Variants in HELLS observed in about 807,000 individuals in gnomAD.
HELLS encodes the protein lymphoid-specific helicase.
In HELLS, 32 loss-of-function variants were observed where a neutral mutation model predicts 120.0. That is an observed-to-expected ratio of 0.27 (90% CI 0.20 to 0.36). The LOEUF (loss-of-function observed/expected upper bound fraction) is 0.36, where lower values mean the gene tolerates loss of function less well. HELLS is among the 10% of genes least tolerant of loss of function. HELLS has a pLI of 1.00. For missense variants in HELLS, 650 were observed against 993.4 expected (o/e 0.65, Z 4.65); for synonymous variants, 341 against 323.4 (o/e 1.05, Z -0.58).
exon 10 of HELLS, chr10:94,613,820 TGAAAA>T (rs1463661378): frequency 6.6e-6 from 1 of 152,230 alleles, no homozygotes; most frequent in Non-Finnish European, 1.5e-5. Context: ...CAGTTGTACT[TGAAAA>T]GAATGTATAT....
At chr10:94,575,404 AGCCCTTCT>A (rs1844386224) in intron 9 of HELLS, among the ~76,000 whole-genome samples, 1 of 151,686 alleles carries the variant, frequency 6.6e-6, no homozygotes, top group South Asian at 2.1e-4. Flanking sequence ...TCCCGGGCCC[AGCCCTTCT>A]GCACATTTTT....
intron 10 of HELLS, among the ~76,000 whole-genome samples, chr10:94,580,813 TG>T (rs1311731670): frequency 6.6e-6 from 1 of 152,152 alleles, no homozygotes; most frequent in African/African-American, 2.4e-5. Flanking sequence ...TTAAGATATA[TG>T]AGAAATCACA....
Position 94,574,505 on chromosome 10 carries a change from G to A in HELLS, c.706-49G>A, listed in dbSNP as rs369779588. 2.3e-6 allele frequency: 3 copies of A among 1,318,022 alleles called. No homozygotes were observed. In the South Asian group the frequency reaches 3.7e-5, roughly 16 times the overall value. The allele number at this position is 1,318,022 out of a possible 1,614,324, so 81.6% of individuals were successfully genotyped here. A position where few individuals can be genotyped will look rare whatever the true frequency, so the allele number is the denominator to read the frequency against. On this transcript the variant is annotated intron_variant, in intron 8 of 21. Transcript: ENST00000348459. ...AGAAGAAATAAAATATTGTAATCCTGTAGTTGTTTATATCCAAGTTTAAAT... is the reference window on the plus strand; with the variant it reads ...AGAAGAAATAAAATATTGTAATCCTATAGTTGTTTATATCCAAGTTTAAAT...
chr10:94,580,162 TACAC>T (rs34963898), intron 10 of HELLS, among the ~76,000 whole-genome samples: 9 of 47,600 alleles, frequency 1.9e-4, no homozygotes, highest in South Asian at 6.6e-4. Context: ...TATATATATA[TACAC>T]ACACACACAC....
At position 94,582,902 on chromosome 10, in the gene HELLS, T is replaced by G. The variant is rs1844946543; in HGVS notation, c.1230-61T>G. 12 of 865,400 alleles carry G rather than the reference T, an allele frequency of 1.4e-5. No individual in the cohort carries two copies. In the South Asian group the frequency reaches 2.0e-4, roughly 14 times the overall value. The allele number at this position is 865,400 out of a possible 1,614,324, so 53.6% of individuals were successfully genotyped here. A position where few individuals can be genotyped will look rare whatever the true frequency, so the allele number is the denominator to read the frequency against. ...GATTATTACTGTAAATGATAAATCA[T>G]GTATCATGTTGACATAATTGAATTT... is the stretch of plus-strand genomic sequence containing the variant. On this transcript the variant is annotated intron_variant, in intron 11 of 21. Coordinates refer to ENST00000348459, the MANE Select transcript of HELLS (RefSeq NM_018063.5).
chr10:94,577,527 G>A (rs1460411291), intron 10 of HELLS: 1 of 153,628 alleles, frequency 6.5e-6, no homozygotes, highest in Non-Finnish European at 1.4e-5. Flanking sequence ...ATTATGACCA[G>A]TATTGTCAGG....
At position 94,581,477 on chromosome 10, in the gene HELLS, C is replaced by A; in HGVS notation, c.1184C>A (p.Ser395Ter). The change falls in exon 11 of 22, where the codon TCA (serine) becomes TAA (stop). Residue 395 changes from serine to a stop codon, truncating the protein, a stop_gained. Coordinates refer to ENST00000348459, the MANE Select transcript of HELLS (RefSeq NM_018063.5). LOFTEE classifies it high-confidence loss of function. ...CAAAACAATTTATCAGAACTTTGGT[C>A]ATTGCTAAACTTTTTGTTGCCAGAT... ...PLQNNLSELW[S>*]LLNFLLPDVF... 2 of 1,609,570 alleles carry A rather than the reference C, an allele frequency of 1.2e-6. No individual in the cohort carries two copies. Among genetic ancestry groups the A allele is most frequent in the South Asian group, 2.2e-5 (2 of 89,624 alleles).
intron 6 of HELLS, among the ~76,000 whole-genome samples, chr10:94,563,784 C>T (rs1041958125): frequency 6.6e-5 from 10 of 151,388 alleles, no homozygotes; most frequent in Non-Finnish European, 1.2e-4. Context: ...GCCAGTGTGC[C>T]CAGCTTTTTG....
chr10:94,548,850 C>A (rs1175226790), intron 2 of HELLS, among the ~76,000 whole-genome samples: 1 of 151,988 alleles, frequency 6.6e-6, no homozygotes, highest in Non-Finnish European at 1.5e-5. Context: ...AAAAATTAGC[C>A]AGATGTGGTG....
rs79838961 is a variant in HELLS, at chr10:94,587,834, G to A, written c.1327-395G>A. Reference sequence around the variant, plus strand: ...TTAGGTCTTATTATTTCTACTTTTTGTACTCATTATTTCAAATATTTTTAA... The same window carrying A: ...TTAGGTCTTATTATTTCTACTTTTTATACTCATTATTTCAAATATTTTTAA... On this transcript the variant is annotated intron_variant, in intron 12 of 21. Transcript: ENST00000348459. Among the ~76,000 whole-genome samples the A allele has an allele frequency of 3.1e-3, 477 of 152,112 alleles. 3 individuals are homozygous for A. The highest frequency in any genetic ancestry group is 0.011 in the African/African-American group (451 of 41,500).
intron 2 of HELLS, among the ~76,000 whole-genome samples, chr10:94,547,593 C>T (rs1366621646): frequency 2.0e-5 from 3 of 152,124 alleles, no homozygotes. Flanking sequence ...CTCATTGAAT[C>T]CTCAACTATT....
At position 94,573,106 on chromosome 10, in the gene HELLS, C is replaced by T. The variant is rs564810980; in HGVS notation, c.478-854C>T. On this transcript the variant is annotated intron_variant, in intron 7 of 21. Coordinates refer to ENST00000348459, the MANE Select transcript of HELLS (RefSeq NM_018063.5). ...TCCCAAGTAGCTGGGACAACAGGCT[C>T]ATGCCACCATGTTCAGCTAATTTTT... 2.6e-5 allele frequency among the ~76,000 whole-genome samples: 4 copies of T among 151,848 alleles called. No individual in the cohort carries two copies. In the South Asian group the frequency reaches 6.3e-4, roughly 24 times the overall value.
rs750777864 is a variant in HELLS, at chr10:94,554,124, A to T, written c.154-2A>T. On this transcript the variant is annotated splice_acceptor_variant, in intron 2 of 21. Transcript: ENST00000348459. LOFTEE classifies it high-confidence loss of function. ...AATTATGGAAATTTTCTCTTTGGAT[A>T]GGCTCGCATGTCTTGGGATAGAGAG... is the stretch of plus-strand genomic sequence containing the variant. The T allele has an allele frequency of 6.4e-7, 1 of 1,569,358 alleles. No individual in the cohort carries two copies. Among genetic ancestry groups the T allele is most frequent in the Non-Finnish European group, 8.6e-7 (1 of 1,166,444 alleles).
Position 94,558,210 on chromosome 10 carries a change from C to A in HELLS, c.333+15C>A. Reference sequence around the variant, plus strand: ...AAGTTAAAAAGGTAATATAGCCAGCCGGAATATTTTTTATGTCATTTAAAT... The same window carrying A: ...AAGTTAAAAAGGTAATATAGCCAGCAGGAATATTTTTTATGTCATTTAAAT... On this transcript the variant is annotated intron_variant, in intron 4 of 21. Coordinates refer to ENST00000348459, the MANE Select transcript of HELLS (RefSeq NM_018063.5). 6.5e-7 allele frequency: 1 copy of A among 1,531,086 alleles called. No homozygotes were observed. Among genetic ancestry groups the A allele is most frequent in the Non-Finnish European group, 8.7e-7 (1 of 1,148,272 alleles). The allele number at this position is 1,531,086 out of a possible 1,614,324, so 94.8% of individuals were successfully genotyped here. A position where few individuals can be genotyped will look rare whatever the true frequency, so the allele number is the denominator to read the frequency against.
At chr10:94,600,600 TC>T (rs1433080241) in intron 21 of HELLS, among the ~76,000 whole-genome samples, 1 of 152,146 alleles carries the variant, frequency 6.6e-6, no homozygotes, top group African/African-American at 2.4e-5. Context: ...CAATAGATGA[TC>T]TGGGGAAATA....
chr10:94,591,696 G>A (rs1845498664), intron 15 of HELLS, among the ~76,000 whole-genome samples: 2 of 152,166 alleles, frequency 1.3e-5, no homozygotes, highest in African/African-American at 4.8e-5. Flanking sequence ...GTCCCCATTT[G>A]AGAGGCACTG....
Position 94,574,018 on chromosome 10 carries a change from C to T in HELLS, c.536C>T (p.Ser179Leu), listed in dbSNP as rs781780355. Reference sequence around the variant, plus strand: ...GAAGATCTTCAGAAAAATAAAGATTCGAATAGTATAATTAAAGATAGATTG... The same window carrying T: ...GAAGATCTTCAGAAAAATAAAGATTTGAATAGTATAATTAAAGATAGATTG... ...CVEDLQKNKD[S>L]NSIIKDRLSE... The change falls in exon 8 of 22, where the codon TCG (serine) becomes TTG (leucine). Residue 179 changes from serine to leucine, a missense_variant. By Grantham distance (145) the Ser-to-Leu change is moderately radical. Around this residue, in one of 9 missense-constraint regions of HELLS, gnomAD observed 113 missense variants for 120.7 expected, o/e 0.94. Transcript: ENST00000348459. 25 of 1,610,624 alleles carry T rather than the reference C, an allele frequency of 1.6e-5. No homozygotes were observed. Among genetic ancestry groups the T allele is most frequent in the African/African-American group, 8.0e-5 (6 of 74,772 alleles).
At chr10:94,569,547 C>G (rs1481324744) in intron 6 of HELLS, 1 of 152,022 alleles carries the variant, frequency 6.6e-6, no homozygotes, top group Non-Finnish European at 1.5e-5. Context: ...ATGGGAATTC[C>G]TTAATATTTA....
intron 7 of HELLS, among the ~76,000 whole-genome samples, chr10:94,571,854 T>G (rs1004226233): frequency 6.6e-6 from 1 of 152,204 alleles, no homozygotes; most frequent in African/African-American, 2.4e-5. Context: ...ACCTCTTCAC[T>G]TAGCCCATTT....
Sources: allele counts gnomAD v4.1 joint callset (sites outside exome capture counted in the v4.1 genomes callset), GRCh38; gene constraint gnomAD v4.1.1; regional missense constraint gnomAD v4.1.1; transcripts MANE v1.5; gene names NCBI Gene and HGNC (gene_info 2026-07-23, HGNC 2026-07-21).